The following PCSK2 variants were observed in gnomAD, a reference collection of about 807,000 sequenced individuals.
PCSK2 encodes proprotein convertase subtilisin/kexin type 2, also known as neuroendocrine convertase 2.
In PCSK2, 14 loss-of-function variants were observed where a neutral mutation model predicts 69.7. The observed-to-expected ratio is 0.20, with a 90% confidence interval of 0.13 to 0.31. The LOEUF (loss-of-function observed/expected upper bound fraction) is 0.31. Among genes scored for constraint, PCSK2 ranks in the 10% least tolerant of loss-of-function variants. PCSK2 has a pLI of 1.00. For synonymous variants in PCSK2, 307 were observed against 320.7 expected, an observed-to-expected ratio of 0.96 and a Z score of 0.46; for missense variants, 544 against 842.5, an observed-to-expected ratio of 0.65 and a Z score of 4.39.
At chr20:17,452,940 A>T (rs1186933083) in intron 8 of PCSK2, among the ~76,000 whole-genome samples, 8 of 152,224 alleles carry the variant, frequency 5.3e-5, no homozygotes, top group African/African-American at 2.4e-5. Context: ...TGCCATTTAA[A>T]CTAATTAGCA....
intron 1 of PCSK2, among the ~76,000 whole-genome samples, chr20:17,242,711 C>T (rs1408686648): frequency 6.6e-6 from 1 of 152,192 alleles, no homozygotes; most frequent in African/African-American, 2.4e-5. Context: ...TACTCAAAGA[C>T]ATGATGTCCT....
At position 17,482,909 on chromosome 20, in the gene PCSK2, G is replaced by A. The variant is rs963738477; in HGVS notation, c.*839G>A. On this transcript the variant is annotated 3_prime_UTR_variant, in exon 12 of 12. Coordinates refer to ENST00000262545, the MANE Select transcript of PCSK2 (RefSeq NM_002594.5). ...CTACCCAAAAGAGAAAAAAAATTAA[G>A]ACAAGCCTGGCAACACACCTGGTGA... The A allele has an allele frequency of 2.0e-5, 3 of 152,148 alleles. No individual in the cohort carries two copies. The highest frequency in any genetic ancestry group is 7.2e-5 in the African/African-American group (3 of 41,436). The allele number at this position is 152,148 out of a possible 1,614,324, so 9.4% of individuals were successfully genotyped here.
At chr20:17,403,568 G>A (rs985665769) in intron 5 of PCSK2, among the ~76,000 whole-genome samples, 14 of 152,234 alleles carry the variant, frequency 9.2e-5, no homozygotes, top group Admixed American at 2.0e-4. Context: ...ATCTGAAGGA[G>A]CTCATTTCTC....
At chr20:17,240,775 T>C (rs893351765) in intron 1 of PCSK2, among the ~76,000 whole-genome samples, 1 of 152,186 alleles carries the variant, frequency 6.6e-6, no homozygotes, top group African/African-American at 2.4e-5. Context: ...TTGAATCCCA[T>C]TGTGGACTGT....
chr20:17,432,752 G>A (rs923641915), intron 7 of PCSK2, among the ~76,000 whole-genome samples: 4 of 152,132 alleles, frequency 2.6e-5, no homozygotes, highest in Non-Finnish European at 5.9e-5. Flanking sequence ...TAAAGCTCGA[G>A]ACCACATCAA....
intron 8 of PCSK2, 69 bp downstream of exon 8, chr20:17,436,952 C>A: frequency 7.5e-7 from 1 of 1,341,716 alleles, no homozygotes; most frequent in Non-Finnish European, 1.0e-6. Context: ...GGGGTAGATG[C>A]AACTGGGTGA....
chr20:17,358,766 G>C (rs1470283643), intron 3 of PCSK2, among the ~76,000 whole-genome samples: 3 of 152,202 alleles, frequency 2.0e-5, no homozygotes, highest in Non-Finnish European at 2.9e-5. Flanking sequence ...TCAGAGGTCT[G>C]GGAAGAGTAA....
chr20:17,305,413 AG>A (rs1442031191), intron 2 of PCSK2, among the ~76,000 whole-genome samples: 1 of 152,216 alleles, frequency 6.6e-6, no homozygotes, highest in Non-Finnish European at 1.5e-5. Flanking sequence ...CAAAGAGGAT[AG>A]TAAGACAAGA....
chr20:17,365,996 G>T (rs1174670013), intron 4 of PCSK2, among the ~76,000 whole-genome samples: 2 of 152,138 alleles, frequency 1.3e-5, no homozygotes, highest in Admixed American at 6.5e-5. Flanking sequence ...TGTAGTTCTG[G>T]GGTCTCAGGG....
intron 5 of PCSK2, among the ~76,000 whole-genome samples, chr20:17,408,340 A>C (rs537417633): frequency 6.6e-6 from 1 of 152,258 alleles, no homozygotes; most frequent in African/African-American, 2.4e-5. Flanking sequence ...ATGGTGGATC[A>C]TCTCCCATTA....
intron 2 of PCSK2, among the ~76,000 whole-genome samples, chr20:17,285,256 G>A (rs1988472090): frequency 6.6e-6 from 1 of 152,168 alleles, no homozygotes; most frequent in South Asian, 2.1e-4. Flanking sequence ...CTTGTCGGGT[G>A]GGAACAGGGA....
intron 4 of PCSK2, among the ~76,000 whole-genome samples, chr20:17,364,134 T>TA (rs34372117): frequency 1.3e-3 from 177 of 137,172 alleles, no homozygotes; most frequent in East Asian, 6.4e-3. Context: ...ACTTAAAGTA[T>TA]AAAAAAAAAA....
At chr20:17,278,779 C>T (rs990771469) in intron 2 of PCSK2, among the ~76,000 whole-genome samples, 7 of 151,832 alleles carry the variant, frequency 4.6e-5, no homozygotes, top group Admixed American at 4.6e-4. Flanking sequence ...CTTTGGGAGG[C>T]CAAGGTGTGT....
intron 2 of PCSK2, among the ~76,000 whole-genome samples, chr20:17,271,630 C>T (rs940603167): frequency 2.7e-4 from 41 of 152,076 alleles, no homozygotes; most frequent in African/African-American, 9.2e-4. Flanking sequence ...CTGTGGTGAA[C>T]CTGAGTGTAC....
At chr20:17,244,867 G>A (rs1986714306) in intron 1 of PCSK2, among the ~76,000 whole-genome samples, 1 of 152,168 alleles carries the variant, frequency 6.6e-6, no homozygotes, top group Admixed American at 6.5e-5. Context: ...GCTTTGAGGA[G>A]TCATTTCATC....
rs528298436 is a variant in PCSK2 at position 17,449,617 on chromosome 20, G to A, written c.886-4125G>A. Among the ~76,000 whole-genome samples the A allele has an allele frequency of 6.3e-5, 9 of 142,308 alleles. No individual in the cohort carries two copies. The East Asian group carries it at 1.0e-3, about 16-fold the overall frequency. The allele number at this position is 142,308 out of a possible 152,430, so 93.4% of individuals were successfully genotyped here. On this transcript the variant is annotated intron_variant, in intron 8 of 11. Transcript: ENST00000262545. ...GCGATCTCAGCTCACCGCAACCTCC[G>A]CCTCCTGGGTTCAAGCAATTCTGAC...
At chr20:17,449,546 T>TATATATATATATATATA (rs1442630991) in intron 8 of PCSK2, among the ~76,000 whole-genome samples, 1 of 49,854 alleles carries the variant, frequency 2.0e-5, no homozygotes. Context: ...ATATGTATAT[T>TATATATATATATATATA]TGAGACTGAG....
At chr20:17,469,343 C>T (rs762142748) in intron 11 of PCSK2, among the ~76,000 whole-genome samples, 1 of 152,142 alleles carries the variant, frequency 6.6e-6, no homozygotes, top group Non-Finnish European at 1.5e-5. Context: ...GCCTTATACT[C>T]GCACAGTCGA....
Position 17,277,905 on chromosome 20 carries a change from C to T in PCSK2, c.282+17561C>T, listed in dbSNP as rs1292090450. 1.5e-3 allele frequency among the ~76,000 whole-genome samples: 221 copies of T among 151,902 alleles called. 1 individual carries two copies. Among genetic ancestry groups the T allele is most frequent in the African/African-American group, 4.7e-3 (193 of 41,398 alleles). ...ACAAACAACCCCATCAAAAAGTGGG[C>T]GAAGGATATGAACAGACACTTCTCA... On this transcript the variant is annotated intron_variant, in intron 2 of 11. Coordinates refer to ENST00000262545, the MANE Select transcript of PCSK2 (RefSeq NM_002594.5).
Sources: allele counts gnomAD v4.1 joint callset (sites outside exome capture counted in the v4.1 genomes callset), GRCh38; gene constraint gnomAD v4.1.1; transcripts MANE v1.5; gene names NCBI Gene and HGNC (gene_info 2026-07-23, HGNC 2026-07-21).